THSD7B: variants seen among roughly 807,000 people sequenced by gnomAD.
The protein encoded by THSD7B is thrombospondin type-1 domain-containing protein 7B.
In THSD7B, 138 loss-of-function variants were observed where a neutral mutation model predicts 213.6. The ratio of observed to expected loss-of-function variants is 0.65; its 90% CI spans 0.56 to 0.74. THSD7B has a LOEUF of 0.74. THSD7B is among the 30% of genes least tolerant of loss of function. The probability of loss-of-function intolerance (pLI) is 0.00; values close to 1 mark genes in which losing one functional copy is unlikely to be tolerated. For missense variants in THSD7B, 1,931 were observed against 1,991.5 expected, an observed-to-expected ratio of 0.97 and a Z score of 0.58; for synonymous variants, 742 against 687.0, an observed-to-expected ratio of 1.08 and a Z score of -1.25.
chr2:137,041,181 C>T (rs937629708), intron 2 of THSD7B, among the ~76,000 whole-genome samples: 5 of 152,032 alleles, frequency 3.3e-5, no homozygotes, highest in Admixed American at 6.6e-5. Context: ...GTGGTCTCTG[C>T]GTGGATAAAA....
chr2:136,843,397 G>A (rs1377137648), intron 1 of THSD7B, among the ~76,000 whole-genome samples: 1 of 152,122 alleles, frequency 6.6e-6, no homozygotes, highest in African/African-American at 2.4e-5. Flanking sequence ...TCGTATTCGT[G>A]AATGTCCATT....
intron 3 of THSD7B, among the ~76,000 whole-genome samples, chr2:137,062,775 C>T (rs966246456): frequency 1.3e-5 from 2 of 151,690 alleles, no homozygotes; most frequent in South Asian, 2.1e-4. Flanking sequence ...AATGTGTGTA[C>T]TCTGCTGTAG....
chr2:137,117,387 ATTT>A (rs1364864969), intron 5 of THSD7B, among the ~76,000 whole-genome samples: 3 of 152,140 alleles, frequency 2.0e-5, no homozygotes, highest in Admixed American at 6.5e-5. Flanking sequence ...GAATATAAAT[ATTT>A]TTTATCTGTC....
intron 14 of THSD7B, among the ~76,000 whole-genome samples, chr2:137,436,846 A>G (rs956122759): frequency 6.6e-6 from 1 of 152,102 alleles, no homozygotes; most frequent in Non-Finnish European, 1.5e-5. Context: ...CCCATTTCTC[A>G]TATCTCCACA....
At chr2:137,282,549 A>C (rs1683052633) in intron 12 of THSD7B, among the ~76,000 whole-genome samples, 1 of 152,112 alleles carries the variant, frequency 6.6e-6, no homozygotes, top group Admixed American at 6.5e-5. Context: ...TCTAACATTT[A>C]AGTCTTTAAT....
intron 1 of THSD7B, among the ~76,000 whole-genome samples, chr2:136,766,107 C>T (rs1488618883): frequency 6.6e-6 from 1 of 152,212 alleles, no homozygotes; most frequent in African/African-American, 2.4e-5. Context: ...AGAGCCTCGG[C>T]GCCCAAAATC....
At chr2:137,038,117 G>T (rs925729802) in intron 2 of THSD7B, among the ~76,000 whole-genome samples, 5 of 152,120 alleles carry the variant, frequency 3.3e-5, no homozygotes, top group African/African-American at 1.2e-4. Flanking sequence ...GGCCCAAATT[G>T]GGCCTATGGT....
chr2:137,298,262 C>G, intron 12 of THSD7B, among the ~76,000 whole-genome samples: 1 of 152,130 alleles, frequency 6.6e-6, no homozygotes, highest in African/African-American at 2.4e-5. Context: ...ATTTGTGGAA[C>G]TTTGAACTTG....
In THSD7B at chr2:137,056,919, T is replaced by G. The variant is rs61748666; in HGVS notation, c.639T>G (p.Gly213=). The change falls in exon 3 of 28, where the codon GGT becomes GGG. Residue 213 remains glycine (G), a synonymous_variant. Coordinates refer to ENST00000409968, the MANE Select transcript of THSD7B (RefSeq NM_001316349.2). ...TRAVIAPPLF[G]GLQCPNLTES... is the part of the protein sequence containing the mutation. ...CGGTCATAGCTCCCCCTCTCTTTGG[T>G]GGTTTGCAATGTCCAAATCTGACTG... 102,809 of 1,613,784 alleles carry G rather than the reference T, an allele frequency of 0.064. 4,361 individuals are homozygous for G. The highest frequency in any genetic ancestry group is 0.17 in the African/African-American group (12,539 of 74,912).
At chr2:137,097,690 C>G (rs1379755779) in intron 4 of THSD7B, among the ~76,000 whole-genome samples, 2 of 151,488 alleles carry the variant, frequency 1.3e-5, no homozygotes, top group Non-Finnish European at 1.5e-5. Flanking sequence ...ACATTAGAGT[C>G]TGAAAATAGA....
intron 12 of THSD7B, among the ~76,000 whole-genome samples, chr2:137,389,246 G>GT (rs1243807098): frequency 1.7e-4 from 24 of 140,132 alleles, no homozygotes; most frequent in African/African-American, 6.0e-4. Flanking sequence ...TATAGAGAGA[G>GT]TTTTTTTTCT....
intron 27 of THSD7B, among the ~76,000 whole-genome samples, chr2:137,671,592 A>G (rs1372326092): frequency 6.6e-6 from 1 of 152,150 alleles, no homozygotes; most frequent in African/African-American, 2.4e-5. Flanking sequence ...AGAGTAGGGG[A>G]AAAAGCCCCT....
At chr2:137,374,854 TTGAGTTTCCA>T (rs1430027750) in intron 12 of THSD7B, among the ~76,000 whole-genome samples, 1 of 152,142 alleles carries the variant, frequency 6.6e-6, no homozygotes, top group Non-Finnish European at 1.5e-5. Context: ...ATCAATACAC[TTGAGTTTCCA>T]TGAGCCTAGC....
intron 15 of THSD7B, among the ~76,000 whole-genome samples, chr2:137,459,993 C>G (rs1202393315): frequency 6.6e-6 from 1 of 152,140 alleles, no homozygotes; most frequent in Non-Finnish European, 1.5e-5. Context: ...CTTCTGAAGT[C>G]AGCCATGGAA....
rs1667421787 is a variant in THSD7B, at chr2:136,799,614, TACAC to T, written c.-36+33931_-36+33934del. 2.0e-5 allele frequency among the ~76,000 whole-genome samples: 3 copies of T among 152,118 alleles called. 1 individual carries two copies. The highest frequency in any genetic ancestry group is 2.1e-4 in the South Asian group (1 of 4,824). Reference sequence around the variant, plus strand: ...ATTGCAAAGAATGTTTGACTACACATACACACAGACAGAAATACACAGACACACA... The same window carrying T: ...ATTGCAAAGAATGTTTGACTACACATACAGACAGAAATACACAGACACACA... On this transcript the variant is annotated intron_variant, in intron 1 of 27. Transcript: ENST00000409968.
chr2:137,288,792 A>AATATAT (rs145513737), intron 12 of THSD7B, among the ~76,000 whole-genome samples: 131 of 145,360 alleles, frequency 9.0e-4, no homozygotes, highest in African/African-American at 3.0e-3. Context: ...CTAGAAACAT[A>AATATAT]ATATATATAT....
intron 4 of THSD7B, among the ~76,000 whole-genome samples, chr2:137,114,769 A>G (rs1303728608): frequency 6.6e-6 from 1 of 152,222 alleles, no homozygotes; most frequent in Admixed American, 6.5e-5. Flanking sequence ...TGTGGAGTGA[A>G]ATCCCATGAC....
chr2:137,647,357 A>G (rs1683052568), intron 21 of THSD7B, among the ~76,000 whole-genome samples: 1 of 152,016 alleles, frequency 6.6e-6, no homozygotes, highest in African/African-American at 2.4e-5. Flanking sequence ...CTGCAGCAAC[A>G]GAGATGCAAA....
intron 26 of THSD7B, among the ~76,000 whole-genome samples, chr2:137,665,465 C>CTA (rs1683428625): frequency 6.6e-6 from 1 of 151,526 alleles, no homozygotes. Flanking sequence ...ATATTTGTAT[C>CTA]TATATATATA....
Sources: gnomAD v4.1 joint callset for allele counts (sites outside exome capture counted in the v4.1 genomes callset) on GRCh38, gnomAD v4.1.1 for gene constraint, MANE v1.5 for transcripts, NCBI Gene and HGNC (gene_info 2026-07-23, HGNC 2026-07-21) for gene names.